HTR4: variants seen among roughly 807,000 people sequenced by gnomAD.
HTR4 encodes the protein 5-hydroxytryptamine receptor 4, also known as 5-hydroxytryptamine (serotonin) receptor 4, G protein-coupled.
A neutral mutation model predicts 36.8 loss-of-function variants in HTR4; 16 were observed. That is an observed-to-expected ratio of 0.43 (90% CI 0.29 to 0.66). The LOEUF (loss-of-function observed/expected upper bound fraction) is 0.66, where lower values mean the gene tolerates loss of function less well. Among genes scored for constraint, HTR4 ranks in the 30% least tolerant of loss-of-function variants. The pLI is 0.13. For synonymous variants in HTR4, 189 were observed against 185.1 expected (o/e 1.02, Z -0.17); for missense variants, 438 against 490.9 (o/e 0.89, Z 1.02).
intron 2 of HTR4, among the ~76,000 whole-genome samples, chr5:148,597,351 A>G (rs1761817398): frequency 1.3e-5 from 2 of 152,194 alleles, no homozygotes; most frequent in South Asian, 4.1e-4. Flanking sequence ...GGCTCCAACC[A>G]GGGTCTTTTC....
At chr5:148,574,398 T>C (rs1318276563) in intron 2 of HTR4, among the ~76,000 whole-genome samples, 1 of 151,856 alleles carries the variant, frequency 6.6e-6, no homozygotes, top group East Asian at 1.9e-4. Context: ...GCGCTCTCTC[T>C]CTCTCTCTCT....
intron 2 of HTR4, among the ~76,000 whole-genome samples, chr5:148,603,343 A>G (rs1222630131): frequency 2.0e-5 from 3 of 152,090 alleles, no homozygotes; most frequent in African/African-American, 7.2e-5. Flanking sequence ...CGATTTACAA[A>G]GAAAAAACTC....
chr5:148,548,903 G>A, intron 3 of HTR4, 35 bp from the exon 4 acceptor site: 1 of 1,521,820 alleles, frequency 6.6e-7, no homozygotes, highest in South Asian at 1.1e-5. Context: ...GGAGGCAGGG[G>A]GAGGGATGAA....
downstream of HTR4, among the ~76,000 whole-genome samples, chr5:148,474,255 A>G (rs1226791210): frequency 6.6e-6 from 1 of 151,968 alleles, no homozygotes; most frequent in Non-Finnish European, 1.5e-5. Context: ...CTGATGACTC[A>G]CGACCTTCCC....
intron 2 of HTR4, among the ~76,000 whole-genome samples, chr5:148,562,704 T>A (rs1760267655): frequency 6.6e-6 from 1 of 152,180 alleles, no homozygotes; most frequent in Admixed American, 6.5e-5. Context: ...TTCCCTAACC[T>A]CAAACCTGCT....
intron 4 of HTR4, among the ~76,000 whole-genome samples, chr5:148,542,239 T>A (rs1368750406): frequency 2.0e-5 from 3 of 152,188 alleles, no homozygotes; most frequent in Admixed American, 6.5e-5. Context: ...TAAAAGAGTA[T>A]GTGAGAAGGA....
chr5:148,629,411 C>T (rs1310694687), intron 2 of HTR4: 2 of 152,184 alleles, frequency 1.3e-5, no homozygotes, highest in Non-Finnish European at 2.9e-5. Context: ...GCATACTCTT[C>T]TCACTTCACA....
At chr5:148,453,774 G>A (rs538539309) in intron 5 of HTR4, among the ~76,000 whole-genome samples, 2 of 152,140 alleles carry the variant, frequency 1.3e-5, no homozygotes, top group Non-Finnish European at 2.9e-5. Flanking sequence ...GGTCTGAATG[G>A]CCTCTCAGCA....
intron 6 of HTR4, among the ~76,000 whole-genome samples, chr5:148,506,206 C>A (rs1261634071): frequency 6.6e-6 from 1 of 152,112 alleles, no homozygotes; most frequent in Non-Finnish European, 1.5e-5. Flanking sequence ...ACAGAGCCCT[C>A]AGAAATAATA....
At chr5:148,471,612 A>T (rs1755569516) in intron 5 of HTR4, among the ~76,000 whole-genome samples, 1 of 152,206 alleles carries the variant, frequency 6.6e-6, no homozygotes, top group South Asian at 2.1e-4. Flanking sequence ...TGTACTTATG[A>T]CTTCTAAATA....
intron 2 of HTR4, among the ~76,000 whole-genome samples, chr5:148,591,129 A>G (rs1761551716): frequency 6.6e-6 from 1 of 152,208 alleles, no homozygotes; most frequent in Non-Finnish European, 1.5e-5. Context: ...GTCAAATATC[A>G]TATGGTCATA....
chr5:148,546,334 GT>G (rs1302256816), intron 4 of HTR4, among the ~76,000 whole-genome samples: 1 of 152,152 alleles, frequency 6.6e-6, no homozygotes, highest in African/African-American at 2.4e-5. Context: ...ATCTCCCTAA[GT>G]TTTAGAGACA....
At chr5:148,465,873 G>C (rs749707310) in intron 5 of HTR4, 2 of 1,613,186 alleles carry the variant, frequency 1.2e-6, no homozygotes, top group Non-Finnish European at 1.7e-6. Context: ...AGTTAGACAG[G>C]AACTGGTCTA....
intron 6 of HTR4, among the ~76,000 whole-genome samples, chr5:148,489,161 C>T (rs1217261987): frequency 6.6e-6 from 1 of 152,144 alleles, no homozygotes; most frequent in Non-Finnish European, 1.5e-5. Flanking sequence ...CCAATATTTA[C>T]TGAATGTTTA....
intron 1 of HTR4, among the ~76,000 whole-genome samples, chr5:148,651,645 T>C (rs1031830212): frequency 1.3e-5 from 2 of 151,850 alleles, no homozygotes; most frequent in African/African-American, 4.9e-5. Flanking sequence ...AAAATTCCAA[T>C]AGTGCCAAGA....
At chr5:148,486,868 T>C (rs1349234083) in intron 6 of HTR4, among the ~76,000 whole-genome samples, 2 of 152,096 alleles carry the variant, frequency 1.3e-5, no homozygotes, top group Non-Finnish European at 2.9e-5. Context: ...TTGGGTAGGA[T>C]AGGATAGGGT....
intron 6 of HTR4, among the ~76,000 whole-genome samples, chr5:148,506,722 C>G (rs565510066): frequency 1.4e-4 from 21 of 152,268 alleles, no homozygotes; most frequent in Admixed American, 2.6e-4. Context: ...AGGATATGAA[C>G]AGACACTTCT....
chr5:148,623,854 G>C (rs979765637), intron 2 of HTR4, among the ~76,000 whole-genome samples: 1 of 152,194 alleles, frequency 6.6e-6, no homozygotes, highest in Admixed American at 6.5e-5. Flanking sequence ...TTTCTGATTA[G>C]AGATGAGAAA....
intron 4 of HTR4, among the ~76,000 whole-genome samples, chr5:148,537,897 G>A (rs1015332775): frequency 7.9e-5 from 12 of 152,142 alleles, no homozygotes; most frequent in South Asian, 6.2e-4. Context: ...GACCAGCATC[G>A]TCTTGATACC....
Sources: allele counts gnomAD v4.1 joint callset (sites outside exome capture counted in the v4.1 genomes callset), GRCh38; gene constraint gnomAD v4.1.1; transcripts MANE v1.5; gene names NCBI Gene and HGNC (gene_info 2026-07-23, HGNC 2026-07-21).